Variants in CDC42BPG observed in about 807,000 individuals in gnomAD.
CDC42BPG encodes CDC42 binding protein kinase gamma.
A neutral mutation model predicts 192.2 loss-of-function variants in CDC42BPG; 157 were observed. That is an observed-to-expected ratio of 0.82 (90% CI 0.72 to 0.93). The LOEUF is 0.93. Among genes scored for constraint, CDC42BPG ranks in the 40% least tolerant of loss-of-function variants. The pLI is 0.00. For missense variants in CDC42BPG, 1,992 were observed against 2,122.1 expected, an observed-to-expected ratio of 0.94 and a Z score of 1.20; for synonymous variants, 981 against 918.5, an observed-to-expected ratio of 1.07 and a Z score of -1.23.
intron 8 of CDC42BPG, 96 bp from the exon 9 acceptor site, chr11:64,838,258 GCA>G: frequency 1.1e-6 from 1 of 900,606 alleles, no homozygotes; most frequent in Non-Finnish European, 1.7e-6. Context: ...ACCACCTCCT[GCA>G]CAGGTGGGAA....
Position 64,830,049 on chromosome 11 carries a change from C to T in CDC42BPG, c.3389G>A (p.Cys1130Tyr), listed in dbSNP as rs765069441. 6.2e-7 allele frequency: 1 copy of T among 1,612,558 alleles called. No individual in the cohort carries two copies. The highest frequency in any genetic ancestry group is 1.7e-5 in the Admixed American group (1 of 59,990). The change falls in exon 30 of 37, where the codon TGC (cysteine) becomes TAC (tyrosine). Residue 1130 changes from cysteine to tyrosine, a missense_variant. This residue lies in a region of CDC42BPG where 1,656 missense variants were observed against 1,844.3 expected (regional missense o/e 0.90). Coordinates refer to ENST00000342711, the MANE Select transcript of CDC42BPG (RefSeq NM_017525.3). Reference protein sequence around the residue: ...RSNDIFQVGECRRVQQLTLSP... With the variant: ...RSNDIFQVGEYRRVQQLTLSP... ...CAAGGTCAGCTGCTGCACGCGCCGG[C>T]ACTCCCCCACCTGGAAGATGTCTGC...
In CDC42BPG at chr11:64,844,414, G is replaced by C. The variant is rs776099789; in HGVS notation, c.156C>G (p.Ser52Arg). ...RRERSVAQFL[S>R]WASPFVSKVK... is the part of the protein sequence containing the mutation. ...CCGTGCCGCCCCGCCACTCACCCCA[G>C]CTCAGGAACTGCGCCACGCTGCGCT... is the stretch of plus-strand genomic sequence containing the variant. The change falls in exon 1 of 37, where the codon AGC (serine) becomes AGG (arginine). Residue 52 changes from serine to arginine, a missense_variant. Ser to Arg is a moderately radical substitution (Grantham distance 110). This residue lies in a region of CDC42BPG where 1,656 missense variants were observed against 1,844.3 expected (regional missense o/e 0.90). Coordinates refer to ENST00000342711, the MANE Select transcript of CDC42BPG (RefSeq NM_017525.3). 6.8e-7 allele frequency: 1 copy of C among 1,466,284 alleles called. No homozygotes were observed. The highest frequency in any genetic ancestry group is 1.5e-5 in the African/African-American group (1 of 68,048). The allele number at this position is 1,466,284 out of a possible 1,614,324, so 90.8% of individuals were successfully genotyped here. A position where few individuals can be genotyped will look rare whatever the true frequency, so the allele number is the denominator to read the frequency against.
chr11:64,834,272 G>A lies in CDC42BPG; in HGVS notation c.2407C>T (p.Pro803Ser), dbSNP rs751822475. 33 of 1,570,428 alleles carry A rather than the reference G, an allele frequency of 2.1e-5. No homozygotes were observed. Among genetic ancestry groups the A allele is most frequent in the Non-Finnish European group, 2.8e-5 (33 of 1,164,134 alleles). Reference protein sequence around the residue: ...MLREELRARGPVDTKPSNSLI... With the variant: ...MLREELRARGSVDTKPSNSLI... ...GCAGTTGGCAGCCACTCACCCACTGGCCCTCGGGCCCGCAGCTCCTCCCGC... is the reference window on the plus strand; with the variant it reads ...GCAGTTGGCAGCCACTCACCCACTGACCCTCGGGCCCGCAGCTCCTCCCGC... Residue 803 changes from proline to serine, a missense_variant, in exon 20 of 37, where the codon CCA becomes TCA. Around this residue, in one of 2 missense-constraint regions of CDC42BPG, gnomAD observed 1,656 missense variants for 1,844.3 expected, o/e 0.90. Transcript: ENST00000342711.
rs753011493 is a variant in CDC42BPG, at chr11:64,835,169, G to A, written c.1954-16C>T. On this transcript the variant is annotated splice_polypyrimidine_tract_variant and intron_variant, in intron 16 of 36. Coordinates refer to ENST00000342711, the MANE Select transcript of CDC42BPG (RefSeq NM_017525.3). ...CTGCTTCTAGCTGGGGCCGGCCAGA[G>A]GAAAGGTCAGCCCCAGGCCCCAGCA... is the stretch of plus-strand genomic sequence containing the variant. 2 of 1,602,082 alleles carry A rather than the reference G, an allele frequency of 1.2e-6. No individual in the cohort carries two copies. The highest frequency in any genetic ancestry group is 1.1e-5 in the South Asian group (1 of 91,066).
Position 64,839,495 on chromosome 11 carries a change from G to A in CDC42BPG, c.658C>T (p.Leu220Phe), listed in dbSNP as rs775621204. ...RLADFGSCLR[L>F]NTNGMVDSSV... is the part of the protein sequence containing the mutation. ...GTCCTTACCATGCCGTTGGTGTTGA[G>A]ACGCAGGCAGGAGCCGAAGTCAGCC... Residue 220 changes from leucine to phenylalanine, a missense_variant, in exon 6 of 37, where the codon CTC becomes TTC. Leu to Phe is a conservative substitution (Grantham distance 22). Around this residue, in one of 2 missense-constraint regions of CDC42BPG, gnomAD observed 1,656 missense variants for 1,844.3 expected, o/e 0.90. Coordinates refer to ENST00000342711, the MANE Select transcript of CDC42BPG (RefSeq NM_017525.3). The A allele has an allele frequency of 6.2e-7, 1 of 1,613,244 alleles. No homozygotes were observed. Among genetic ancestry groups the A allele is most frequent in the Non-Finnish European group, 8.5e-7 (1 of 1,179,992 alleles).
intron 9 of CDC42BPG, 32 bp from the exon 10 acceptor site, chr11:64,837,051 A>G (rs1225320556): frequency 1.3e-6 from 2 of 1,543,062 alleles, no homozygotes; most frequent in Non-Finnish European, 9.0e-7. Context: ...GTTTGTTGGT[A>G]GAAACCTCAC....
chr11:64,836,020 A>G, intron 13 of CDC42BPG, 97 bp downstream of exon 13: 1 of 1,411,542 alleles, frequency 7.1e-7, no homozygotes. Flanking sequence ...GCCAGCTACA[A>G]CCGGGAGGCA....
rs1942935461 is a variant in CDC42BPG, at chr11:64,835,422, G to A, written c.1881-3C>T. The A allele has an allele frequency of 6.8e-6, 11 of 1,613,384 alleles. No homozygotes were observed. The highest frequency in any genetic ancestry group is 1.3e-5 in the African/African-American group (1 of 74,932). Reference sequence around the variant, plus strand: ...GAGCCTCCTCCTTACCACTCGGCCTGGGGAGGAGAAGGCCAAGGCCGTGAC... The same window carrying A: ...GAGCCTCCTCCTTACCACTCGGCCTAGGGAGGAGAAGGCCAAGGCCGTGAC... On this transcript the variant is annotated splice_region_variant and splice_polypyrimidine_tract_variant and intron_variant, in intron 15 of 36. Coordinates refer to ENST00000342711, the MANE Select transcript of CDC42BPG (RefSeq NM_017525.3).
Position 64,831,818 on chromosome 11 carries a change from C to T in CDC42BPG, c.3088-97G>A, listed in dbSNP as rs563157460. The stretch of plus-strand genomic sequence containing the variant: ...CAGCCGCTGTGCCCCGGGGGCCTAG[C>T]GTGCACTGTCAGCAGCAGGGAGTAG... On this transcript the variant is annotated intron_variant, in intron 27 of 36. Coordinates refer to ENST00000342711, the MANE Select transcript of CDC42BPG (RefSeq NM_017525.3). 6.5e-5 allele frequency: 72 copies of T among 1,099,668 alleles called. No homozygotes were observed. The East Asian group carries it at 1.2e-3, about 19-fold the overall frequency. The allele number at this position is 1,099,668 out of a possible 1,614,324, so 68.1% of individuals were successfully genotyped here.
rs780283409 is a variant in CDC42BPG at position 64,831,714 on chromosome 11, G to A, written c.3095C>T (p.Thr1032Ile). The A allele has an allele frequency of 1.3e-6, 2 of 1,593,792 alleles. No individual in the cohort carries two copies. The highest frequency in any genetic ancestry group is 1.1e-5 in the South Asian group (1 of 89,128). Reference sequence around the variant, plus strand: ...GGTGGGCGGCACTGCCAGCTGGGAGGTTGTCACCTGTGGGCAAGGACCCCA... The same window carrying A: ...GGTGGGCGGCACTGCCAGCTGGGAGATTGTCACCTGTGGGCAAGGACCCCA... ...RDLPRIFRVT[T>I]SQLAVPPTTC... Residue 1032 changes from threonine to isoleucine, a missense_variant, in exon 28 of 37, where the codon ACC becomes ATC. By Grantham distance (89) the Thr-to-Ile change is moderately conservative. Around this residue, in one of 2 missense-constraint regions of CDC42BPG, gnomAD observed 1,656 missense variants for 1,844.3 expected, o/e 0.90. Coordinates refer to ENST00000342711, the MANE Select transcript of CDC42BPG (RefSeq NM_017525.3).
At position 64,830,079 on chromosome 11, in the gene CDC42BPG, T is replaced by G. The variant is rs1187199511; in HGVS notation, c.3368-9A>C. 1.2e-6 allele frequency: 2 copies of G among 1,612,596 alleles called. No homozygotes were observed. The highest frequency in any genetic ancestry group is 4.5e-5 in the East Asian group (2 of 44,822). On this transcript the variant is annotated splice_polypyrimidine_tract_variant and intron_variant, in intron 29 of 36. Transcript: ENST00000342711. ...CCCCACCTGGAAGATGTCTGCAGGGTTGGCGAGGGGAGAGTGTCACTGGCA... is the reference window on the plus strand; with the variant it reads ...CCCCACCTGGAAGATGTCTGCAGGGGTGGCGAGGGGAGAGTGTCACTGGCA...
chr11:64,836,712 G>GGGGGGT, intron 11 of CDC42BPG, 27 bp downstream of exon 11: 1 of 797,414 alleles, frequency 1.3e-6, no homozygotes. Context: ...GCCCTGGGGG[G>GGGGGGT]GGGGGGGGGG....
In CDC42BPG at chr11:64,830,025, A is replaced by AGCACGACCAGC; in HGVS notation, c.3412_3413insGCTGGTCGTGC (p.Leu1138CysfsTer5). ...GACCAGCAGGCCTGCACTGGGGCTC[A>AGCACGACCAGC]AGGTCAGCTGCTGCACGCGCCGGCA... On this transcript the variant is annotated frameshift_variant, in exon 30 of 37. Coordinates refer to ENST00000342711, the MANE Select transcript of CDC42BPG (RefSeq NM_017525.3). LOFTEE classifies it high-confidence loss of function. 1.2e-6 allele frequency: 2 copies of AGCACGACCAGC among 1,612,436 alleles called. No homozygotes were observed. Among genetic ancestry groups the AGCACGACCAGC allele is most frequent in the Non-Finnish European group, 1.7e-6 (2 of 1,179,332 alleles).
intron 27 of CDC42BPG, among the ~76,000 whole-genome samples, 191 bp downstream of exon 27, chr11:64,832,237 G>A (rs1048365675): frequency 6.6e-6 from 1 of 152,206 alleles, no homozygotes; most frequent in Non-Finnish European, 1.5e-5. Context: ...GGAGCACCCC[G>A]AGCCCCGCAG....
In CDC42BPG at chr11:64,827,550, G is replaced by A. The variant is rs750426376; in HGVS notation, c.4127C>T (p.Thr1376Ile). The A allele has an allele frequency of 3.7e-6, 6 of 1,612,714 alleles. No individual in the cohort carries two copies. In the South Asian group the frequency reaches 4.4e-5, roughly 12 times the overall value. ...ACCTGCCAGCTGGTTCCTGAGGTAG[G>A]TCAGGCGGACCTTCTCGGTGCCGTA... ...FLYGTEKVRL[T>I]YLRNQLAEKD... Residue 1376 changes from threonine (T) to isoleucine (I), a missense_variant, in exon 32 of 37, where the codon ACC becomes ATC. By Grantham distance (89) the Thr-to-Ile change is moderately conservative. Coordinates refer to ENST00000342711, the MANE Select transcript of CDC42BPG (RefSeq NM_017525.3).
Position 64,829,819 on chromosome 11 carries a change from G to T in CDC42BPG, c.3619C>A (p.Gln1207Lys). 6.2e-7 allele frequency: 1 copy of T among 1,605,210 alleles called. No individual in the cohort carries two copies. Among genetic ancestry groups the T allele is most frequent in the African/African-American group, 1.3e-5 (1 of 74,488 alleles). Residue 1207 changes from glutamine to lysine, a missense_variant, in exon 30 of 37, where the codon CAG becomes AAG. Physicochemically the swap from Gln to Lys is moderately conservative, Grantham distance 53 (BLOSUM62 1). This residue lies in a region of CDC42BPG where 1,656 missense variants were observed against 1,844.3 expected (regional missense o/e 0.90). Transcript: ENST00000342711. ...VAVKRQVLCYQLGPGPGPWQR... is the reference protein window; with the variant it reads ...VAVKRQVLCYKLGPGPGPWQR... ...CAGGGCCCAGGGCCCGGGCCCAGCT[G>T]GTAGCAGAGCACCTGGCGCTTGACG...
chr11:64,835,226 C>A (rs1942923538), intron 16 of CDC42BPG, 73 bp from the exon 17 acceptor site: 2 of 1,602,340 alleles, frequency 1.2e-6, no homozygotes, highest in East Asian at 4.5e-5. Flanking sequence ...TGTAGGTACC[C>A]CAGCACCCCG....
At chr11:64,839,597 G>T (rs1416682627) in intron 5 of CDC42BPG, 26 bp from the exon 6 acceptor site, 2 of 1,596,088 alleles carry the variant, frequency 1.3e-6, no homozygotes, top group Non-Finnish European at 8.5e-7. Flanking sequence ...CAGGGAGAGT[G>T]AGGCGTTTGA....
rs868258731 is a variant in CDC42BPG at position 64,826,482 on chromosome 11, G to A, written c.4587C>T (p.Thr1529=). 5 of 1,599,624 alleles carry A rather than the reference G, an allele frequency of 3.1e-6. No individual in the cohort carries two copies. The highest frequency in any genetic ancestry group is 1.7e-5 in the Admixed American group (1 of 57,836). Residue 1529 remains threonine (T), a synonymous_variant, in exon 36 of 37, where the codon ACC becomes ACT. Coordinates refer to ENST00000342711, the MANE Select transcript of CDC42BPG (RefSeq NM_017525.3). The part of the protein sequence containing the change: ...SCPQGSLSPA[T]SLMQVSERPR... The stretch of plus-strand genomic sequence containing the variant: ...CGGACCCGCTCACCTGCATTAGGGA[G>A]GTTGCAGGGCTCAGCGATCCCTGGG...
Sources: allele counts gnomAD v4.1 joint callset (sites outside exome capture counted in the v4.1 genomes callset), GRCh38; gene constraint gnomAD v4.1.1; regional missense constraint gnomAD v4.1.1; transcripts MANE v1.5; gene names NCBI Gene and HGNC (gene_info 2026-07-23, HGNC 2026-07-21).